Variants in FBXW8 observed in about 807,000 individuals in gnomAD.
FBXW8 encodes F-box/WD repeat-containing protein 8.
In FBXW8, 57 loss-of-function variants were observed where a neutral mutation model predicts 65.3. That is an observed-to-expected ratio of 0.87 (90% CI 0.71 to 1.09). The LOEUF (loss-of-function observed/expected upper bound fraction) is 1.09, where lower values mean the gene tolerates loss of function less well. Ranked by LOEUF, FBXW8 falls within the 50% of genes least tolerant of loss-of-function variation. The pLI, the probability that FBXW8 is intolerant of heterozygous loss-of-function variation, is 0.00. For synonymous variants in FBXW8, 308 were observed against 330.2 expected (o/e 0.93, Z 0.73); for missense variants, 777 against 814.8 (o/e 0.95, Z 0.57).
intron 6 of FBXW8, chr12:116,986,541 T>A (rs1420448785): frequency 6.6e-6 from 1 of 150,762 alleles, no homozygotes; most frequent in African/African-American, 2.5e-5. Flanking sequence ...GGCAGGAGAA[T>A]GGCGTGAACC....
chr12:117,009,198 C>G (rs563081101), intron 7 of FBXW8, among the ~76,000 whole-genome samples: 4 of 152,102 alleles, frequency 2.6e-5, no homozygotes, highest in African/African-American at 9.7e-5. Flanking sequence ...ATAGTGAGAC[C>G]GCTTCTCTAC....
At chr12:116,949,434 C>T (rs1320707760) in intron 3 of FBXW8, 184 bp from the exon 4 acceptor site, 1 of 612,002 alleles carries the variant, frequency 1.6e-6, no homozygotes, top group Non-Finnish European at 3.0e-6. Context: ...GGTAACTCGC[C>T]CATGCTTAAC....
At chr12:116,941,659 A>T (rs982220660) in intron 2 of FBXW8, among the ~76,000 whole-genome samples, 4 of 152,230 alleles carry the variant, frequency 2.6e-5, no homozygotes, top group African/African-American at 9.6e-5. Context: ...TGACACCAAG[A>T]TAAACTGAGT....
intron 2 of FBXW8, among the ~76,000 whole-genome samples, chr12:116,938,975 G>A (rs1032774707): frequency 2.6e-5 from 4 of 152,184 alleles, no homozygotes; most frequent in African/African-American, 9.7e-5. Context: ...CATAGGTTGG[G>A]TGGGAAGTAG....
intron 2 of FBXW8, among the ~76,000 whole-genome samples, chr12:116,945,037 T>A (rs1345594194): frequency 1.3e-5 from 2 of 152,220 alleles, no homozygotes; most frequent in Non-Finnish European, 2.9e-5. Flanking sequence ...AAGCTCTGTA[T>A]GATTGTATAG....
chr12:116,932,059 G>C (rs544536142), intron 2 of FBXW8, among the ~76,000 whole-genome samples: 1 of 152,136 alleles, frequency 6.6e-6, no homozygotes, highest in South Asian at 2.1e-4. Context: ...AAAGGATCTT[G>C]AATTTTGTCA....
intron 4 of FBXW8, among the ~76,000 whole-genome samples, chr12:116,954,403 T>C (rs1268724271): frequency 6.6e-6 from 1 of 152,220 alleles, no homozygotes; most frequent in Non-Finnish European, 1.5e-5. Context: ...AAAAACACTT[T>C]GGATAATTAT....
At chr12:116,962,748 GA>G (rs1884062672) in intron 4 of FBXW8, among the ~76,000 whole-genome samples, 1 of 152,122 alleles carries the variant, frequency 6.6e-6, no homozygotes. Context: ...TTAACCTTAA[GA>G]ATCTAGTCCC....
At chr12:116,966,180 T>C (rs758473954) in intron 5 of FBXW8, among the ~76,000 whole-genome samples, 8 of 152,212 alleles carry the variant, frequency 5.3e-5, no homozygotes, top group Non-Finnish European at 1.0e-4. Context: ...GAGCTGTTTC[T>C]GTGGTATAAT....
At chr12:116,932,243 A>T (rs1315982284) in intron 2 of FBXW8, among the ~76,000 whole-genome samples, 3 of 152,210 alleles carry the variant, frequency 2.0e-5, no homozygotes. Context: ...TGGAGTATCC[A>T]TTCTCCATAA....
At chr12:117,000,119 C>A (rs1301403199) in intron 7 of FBXW8, among the ~76,000 whole-genome samples, 1 of 152,038 alleles carries the variant, frequency 6.6e-6, no homozygotes, top group Non-Finnish European at 1.5e-5. Context: ...GTAGCTGGGA[C>A]TACAGGCGCC....
chr12:116,996,154 C>T (rs1198863948), intron 7 of FBXW8, among the ~76,000 whole-genome samples: 1 of 152,136 alleles, frequency 6.6e-6, no homozygotes, highest in Non-Finnish European at 1.5e-5. Flanking sequence ...AAGTACTTGG[C>T]ATTTGATGGC....
At chr12:116,995,824 G>A (rs1206073725) in intron 7 of FBXW8, among the ~76,000 whole-genome samples, 6 of 152,318 alleles carry the variant, frequency 3.9e-5, no homozygotes, top group Middle Eastern at 3.4e-3. Flanking sequence ...TGGTGCAAAA[G>A]TCAGTGTGAA....
Position 116,911,125 on chromosome 12 carries a change from G to T in FBXW8, c.88G>T (p.Glu30Ter). The change falls in exon 1 of 11, where the codon GAG (glutamate) becomes TAG (stop). Residue 30 changes from glutamate to a stop codon, truncating the protein, a stop_gained. Transcript: ENST00000652555. LOFTEE classifies it high-confidence loss of function. ...AQAPKKRRRP[E>*]AAERRARRPE... is the part of the protein sequence containing the mutation. ...GGCGCCGAAGAAGCGGCGACGGCCC[G>T]AGGCTGCCGAGAGGCGGGCTCGGCG... 7.3e-7 allele frequency: 1 copy of T among 1,378,370 alleles called. No individual in the cohort carries two copies. The highest frequency in any genetic ancestry group is 9.3e-7 in the Non-Finnish European group (1 of 1,076,882). 85.4% of individuals were successfully genotyped at this position (1,378,370 alleles called of 1,614,324 possible).
chr12:116,968,208 C>G (rs1884443925), intron 5 of FBXW8, among the ~76,000 whole-genome samples: 1 of 152,122 alleles, frequency 6.6e-6, no homozygotes, highest in African/African-American at 2.4e-5. Context: ...GTTCAAAGAT[C>G]AAAATAATAT....
At chr12:117,009,241 T>A (rs1052217478) in intron 7 of FBXW8, among the ~76,000 whole-genome samples, 6 of 151,768 alleles carry the variant, frequency 4.0e-5, no homozygotes, top group African/African-American at 1.5e-4. Context: ...AAGAAAGATA[T>A]CATCAGCAGG....
intron 1 of FBXW8, 41 bp downstream of exon 1, chr12:116,911,396 G>GC (rs1204425467): frequency 1.7e-5 from 21 of 1,210,074 alleles, no homozygotes; most frequent in Non-Finnish European, 2.2e-5. Flanking sequence ...GCCTGCGCCG[G>GC]CCCCCGCCCC....
At chr12:116,979,156 A>AT (rs1419042494) in intron 5 of FBXW8, 4 of 152,254 alleles carry the variant, frequency 2.6e-5, no homozygotes, top group Non-Finnish European at 5.9e-5. Flanking sequence ...TGTCGACATT[A>AT]TTTCACAGTG....
intron 4 of FBXW8, among the ~76,000 whole-genome samples, chr12:116,956,688 G>A (rs1883669147): frequency 6.6e-6 from 1 of 152,154 alleles, no homozygotes; most frequent in Admixed American, 6.5e-5. Context: ...TTTAAACAGG[G>A]CAGGCACAGT....
Sources: allele counts gnomAD v4.1 joint callset (sites outside exome capture counted in the v4.1 genomes callset), GRCh38; gene constraint gnomAD v4.1.1; transcripts MANE v1.5; gene names NCBI Gene and HGNC (gene_info 2026-07-23, HGNC 2026-07-21).